The following LTBP1 variants were observed in gnomAD, a reference collection of about 807,000 sequenced individuals.
The protein encoded by LTBP1 is latent-transforming growth factor beta-binding protein 1.
In LTBP1, 129 loss-of-function variants were observed where a neutral mutation model predicts 207.6. The observed-to-expected ratio is 0.62, with a 90% CI of 0.54 to 0.72. The LOEUF is 0.72. Ranked by LOEUF, LTBP1 falls within the 30% of genes least tolerant of loss-of-function variation. The pLI is 0.00. For synonymous variants in LTBP1, 963 were observed against 833.7 expected (o/e 1.16, Z -2.67); for missense variants, 2,281 against 2,217.2 (o/e 1.03, Z -0.58).
At chr2:33,279,205 G>A (rs2093507388) in intron 18 of LTBP1, among the ~76,000 whole-genome samples, 1 of 152,130 alleles carries the variant, frequency 6.6e-6, no homozygotes, top group Non-Finnish European at 1.5e-5. Flanking sequence ...TTCAAATGCA[G>A]CTAGAAGCCA....
chr2:33,347,254 CTGGG>C, intron 25 of LTBP1, 109 bp from the exon 26 acceptor site: 1 of 1,204,882 alleles, frequency 8.3e-7, no homozygotes, highest in East Asian at 2.5e-5. Flanking sequence ...TGACTGCTCT[CTGGG>C]GATCGCCTTC....
At chr2:33,193,327 A>T (rs934437251) in intron 7 of LTBP1, among the ~76,000 whole-genome samples, 1 of 152,102 alleles carries the variant, frequency 6.6e-6, no homozygotes, top group Non-Finnish European at 1.5e-5. Context: ...TTTTTAGTAG[A>T]GACGGGGTTT....
chr2:33,295,412 A>T (rs982212755), intron 20 of LTBP1, among the ~76,000 whole-genome samples: 1 of 152,126 alleles, frequency 6.6e-6, no homozygotes, highest in African/African-American at 2.4e-5. Context: ...ATGTAATCCC[A>T]GCTACTTAGG....
At chr2:32,971,247 G>A (rs985765672) in intron 2 of LTBP1, among the ~76,000 whole-genome samples, 1 of 152,100 alleles carries the variant, frequency 6.6e-6, no homozygotes. Flanking sequence ...AATAGAGAGA[G>A]TTTGACTTCC....
In LTBP1 at chr2:33,134,717, T is replaced by A. The variant is rs1372963425; in HGVS notation, c.1034-76T>A. 6.2e-7 allele frequency: 1 copy of A among 1,610,158 alleles called. No individual in the cohort carries two copies. Among genetic ancestry groups the A allele is most frequent in the Admixed American group, 1.7e-5 (1 of 59,112 alleles). ...TTTCTTTTCTTTTTTTCTGTTTTTT[T>A]AAACCTTCCAAGGCAAGTTCATGGA... On this transcript the variant is annotated intron_variant, in intron 4 of 33. Transcript: ENST00000404816. The surrounding 1 kb of genome is among the most constrained non-coding windows in gnomAD (Gnocchi z 4.4).
At chr2:33,170,796 A>C (rs2085365469) in intron 5 of LTBP1, among the ~76,000 whole-genome samples, 2 of 152,020 alleles carry the variant, frequency 1.3e-5, no homozygotes, top group East Asian at 2.0e-4. Context: ...ACGGCCGGGT[A>C]CTCCTCTGAG....
At chr2:33,095,107 A>G (rs1340373094) in intron 3 of LTBP1, among the ~76,000 whole-genome samples, 5 of 152,230 alleles carry the variant, frequency 3.3e-5, no homozygotes, top group East Asian at 1.9e-4. Flanking sequence ...AAGAAAATAT[A>G]TATCAGTATA....
rs563240400 is a variant in LTBP1 at position 33,384,141 on chromosome 2, C to T, written c.4712-5043C>T. 2.0e-5 allele frequency among the ~76,000 whole-genome samples: 3 copies of T among 152,282 alleles called. No homozygotes were observed. The East Asian group carries it at 5.8e-4, about 29-fold the overall frequency. On this transcript the variant is annotated intron_variant, in intron 31 of 33. Coordinates refer to ENST00000404816, the MANE Select transcript of LTBP1 (RefSeq NM_206943.4). Reference sequence around the variant, plus strand: ...AGTAAGGATATGGTAATGTTCCTTCCATTGCTGCCAACAGCAGGGGCCCCA... The same window carrying T: ...AGTAAGGATATGGTAATGTTCCTTCTATTGCTGCCAACAGCAGGGGCCCCA...
chr2:33,243,027 C>T lies in LTBP1; in HGVS notation c.1877-635C>T, dbSNP rs148025706. 6.0e-4 allele frequency among the ~76,000 whole-genome samples: 91 copies of T among 152,280 alleles called. No individual in the cohort carries two copies. In the South Asian group the frequency reaches 9.3e-3, roughly 16 times the overall value. On this transcript the variant is annotated intron_variant, in intron 9 of 33. Transcript: ENST00000404816. Reference sequence around the variant, plus strand: ...GACTCATCATTTCCTGAGCCTCCATCCACTGGCCACACTCTGTGCTCAAGC... The same window carrying T: ...GACTCATCATTTCCTGAGCCTCCATTCACTGGCCACACTCTGTGCTCAAGC...
At position 33,262,829 on chromosome 2, in the gene LTBP1, G is replaced by C. The variant is rs764887834; in HGVS notation, c.2518+8G>C. 3 of 1,581,390 alleles carry C rather than the reference G, an allele frequency of 1.9e-6. No homozygotes were observed. Among genetic ancestry groups the C allele is most frequent in the Non-Finnish European group, 2.6e-6 (3 of 1,155,752 alleles). The stretch of plus-strand genomic sequence containing the variant: ...TGCATCCACAGTTTCCAGGTAGCCT[G>C]TGTTGATCTGTGCTGTTTGTCAGAG... On this transcript the variant is annotated splice_region_variant and intron_variant, in intron 14 of 33. Coordinates refer to ENST00000404816, the MANE Select transcript of LTBP1 (RefSeq NM_206943.4).
chr2:33,278,383 G>A (rs902423832), intron 18 of LTBP1, among the ~76,000 whole-genome samples: 6 of 152,050 alleles, frequency 3.9e-5, no homozygotes, highest in East Asian at 3.8e-4. Context: ...CAAGAAACGC[G>A]GCTGTTTTCA....
At chr2:33,206,441 G>A (rs1366269826) in intron 7 of LTBP1, among the ~76,000 whole-genome samples, 1 of 152,096 alleles carries the variant, frequency 6.6e-6, no homozygotes, top group Non-Finnish European at 1.5e-5. Flanking sequence ...CAATATGGTT[G>A]TAGAAATAAG....
intron 2 of LTBP1, among the ~76,000 whole-genome samples, chr2:32,995,510 G>C (rs552497395): frequency 1.3e-5 from 2 of 152,160 alleles, no homozygotes; most frequent in African/African-American, 2.4e-5. Flanking sequence ...GGCCGGGCGC[G>C]GTGGCTCACG....
chr2:33,269,164 A>C (rs1364677628), intron 15 of LTBP1, among the ~76,000 whole-genome samples: 1 of 152,222 alleles, frequency 6.6e-6, no homozygotes, highest in African/African-American at 2.4e-5. Context: ...AAAAAAGCTA[A>C]AAGTCAGTAT....
At chr2:33,009,120 A>AT (rs1687325582) in intron 2 of LTBP1, among the ~76,000 whole-genome samples, 1 of 152,180 alleles carries the variant, frequency 6.6e-6, no homozygotes, top group Admixed American at 6.5e-5. Flanking sequence ...GTTCTAACAG[A>AT]TTCCTTCTGG....
chr2:33,100,278 CAT>C (rs1453907035), intron 3 of LTBP1, among the ~76,000 whole-genome samples: 5 of 152,232 alleles, frequency 3.3e-5, no homozygotes, highest in South Asian at 2.1e-4. Flanking sequence ...AAGTTGATAA[CAT>C]GTGGGATAGA....
chr2:33,021,009 TGCCCAG>T lies in LTBP1; in HGVS notation c.668_673del (p.Ala223_Gln224del), dbSNP rs763286726. 3.1e-6 allele frequency: 5 copies of T among 1,613,944 alleles called. No homozygotes were observed. The South Asian group carries it at 5.5e-5, about 18-fold the overall frequency. On this transcript the variant is annotated inframe_deletion, in exon 3 of 34. Coordinates refer to ENST00000404816, the MANE Select transcript of LTBP1 (RefSeq NM_206943.4). ...AGGGCAAAGCCTGTGAAACAATAGC[TGCCCAG>T]GACACCTCGTCACCAGTCTTTGGAG...
chr2:32,987,241 A>G (rs952677461), intron 2 of LTBP1, among the ~76,000 whole-genome samples: 1 of 152,176 alleles, frequency 6.6e-6, no homozygotes, highest in African/African-American at 2.4e-5. Flanking sequence ...GTTTCTGACA[A>G]CAGATAGTTG....
At chr2:33,391,636 A>T (rs1279528923) in intron 32 of LTBP1, among the ~76,000 whole-genome samples, 1 of 152,184 alleles carries the variant, frequency 6.6e-6, no homozygotes, top group Non-Finnish European at 1.5e-5. Flanking sequence ...CTGAAACCTC[A>T]GTAACCCCAG....
Sources: allele counts gnomAD v4.1 joint callset (sites outside exome capture counted in the v4.1 genomes callset), GRCh38; gene constraint gnomAD v4.1.1; non-coding constraint Gnocchi (gnomAD v3.1); transcripts MANE v1.5; gene names NCBI Gene and HGNC (gene_info 2026-07-23, HGNC 2026-07-21).